Variants in GCNA observed in about 807,000 individuals in gnomAD.
The protein encoded by GCNA is germ cell nuclear acidic protein.
In GCNA, 3 loss-of-function variants were observed where a neutral mutation model predicts 38.8. The ratio of observed to expected loss-of-function variants is 0.08; its 90% CI spans 0.04 to 0.20. GCNA has a LOEUF of 0.20. Among genes scored for constraint, GCNA ranks in the 10% least tolerant of loss-of-function variants. GCNA has a pLI of 1.00. For synonymous variants in GCNA, 195 were observed against 240.2 expected (o/e 0.81, Z 1.74); for missense variants, 446 against 578.6 (o/e 0.77, Z 2.35).
At chrX:71,583,843 G>A (rs1314192981) in intron 2 of GCNA, among the ~76,000 whole-genome samples, 4 of 107,176 alleles carry the variant, frequency 3.7e-5, no homozygotes, top group Non-Finnish European at 7.7e-5. Context: ...GATTACAGGC[G>A]CATGCCACCA....
At chrX:71,592,370 T>A (rs1481816913) in intron 3 of GCNA, among the ~76,000 whole-genome samples, 167 bp from the exon 4 acceptor site, 1 of 88,948 alleles carries the variant, frequency 1.1e-5, no homozygotes, top group Non-Finnish European at 2.2e-5. Context: ...CCTCCTTTTT[T>A]TTTGGCTCTG....
At chrX:71,607,137 A>G (rs763676326) in intron 9 of GCNA, among the ~76,000 whole-genome samples, 1 of 112,166 alleles carries the variant, frequency 8.9e-6, no homozygotes, top group Non-Finnish European at 1.9e-5. Flanking sequence ...CACAAGGCCA[A>G]CGTTCTGTGA....
chrX:71,579,777 G>A (rs1347288448), intron 1 of GCNA, among the ~76,000 whole-genome samples: 2 of 106,542 alleles, frequency 1.9e-5, no homozygotes, highest in Admixed American at 1.0e-4. Context: ...GGTTGGAGGT[G>A]CGAGTGTGGG....
chrX:71,579,315 TTGG>T (rs1249617290), intron 1 of GCNA, among the ~76,000 whole-genome samples: 3 of 76,280 alleles, frequency 3.9e-5, no homozygotes, highest in Non-Finnish European at 7.5e-5. Context: ...CTTGGTGGCG[TTGG>T]TGGCATAGGA....
In GCNA at chrX:71,588,248, G is replaced by A. The variant is rs529099449; in HGVS notation, c.60-3874G>A. ...AGTACCAAGTATATAGTAGATGCTC[G>A]ATAAATGTCTAATTAGTGAATGAAT... is the stretch of plus-strand genomic sequence containing the variant. On this transcript the variant is annotated intron_variant, in intron 2 of 12. Coordinates refer to ENST00000373696, the MANE Select transcript of GCNA (RefSeq NM_052957.5). Among the ~76,000 whole-genome samples the A allele has an allele frequency of 1.7e-3, 184 of 111,389 alleles. 2 individuals carry two copies. The South Asian group carries it at 0.035, about 21-fold the overall frequency.
At chrX:71,591,997 A>C in intron 2 of GCNA, 125 bp from the exon 3 acceptor site, 1 of 625,003 alleles carries the variant, frequency 1.6e-6, no homozygotes, top group South Asian at 2.9e-5. Flanking sequence ...AAAGCCCTTA[A>C]AACCTTTTTT....
At chrX:71,593,367 C>T (rs973668753) in intron 4 of GCNA, among the ~76,000 whole-genome samples, 1 of 111,523 alleles carries the variant, frequency 9.0e-6, no homozygotes, top group Non-Finnish European at 1.9e-5. Context: ...AAGTGGTGCT[C>T]ACTGCGGTGT....
Position 71,603,839 on chromosome X carries a change from G to A in GCNA, c.562G>A (p.Val188Ile), listed in dbSNP as rs1443705799. Residue 188 changes from valine to isoleucine, a missense_variant, in exon 8 of 13, where the codon GTT (valine) becomes ATT (isoleucine). Transcript: ENST00000373696. ...APDDNSDDSD[V>I]PDDNSDDSSD... Reference sequence around the variant, plus strand: ...CGACGACAATAGTGATGATTCGGATGTTCCCGACGACAACAGTGATGATTC... The same window carrying A: ...CGACGACAATAGTGATGATTCGGATATTCCCGACGACAACAGTGATGATTC... 5.0e-6 allele frequency: 6 copies of A among 1,209,628 alleles called. No individual in the cohort carries two copies. Among genetic ancestry groups the A allele is most frequent in the Non-Finnish European group, 6.7e-6 (6 of 894,936 alleles).
intron 6 of GCNA, among the ~76,000 whole-genome samples, chrX:71,595,186 T>C (rs2040661721): frequency 8.9e-6 from 1 of 112,018 alleles, no homozygotes; most frequent in Non-Finnish European, 1.9e-5. Context: ...AGCCTCCGCC[T>C]CCTGAGTTCT....
chrX:71,596,416 T>C (rs940033991), intron 6 of GCNA, among the ~76,000 whole-genome samples: 4 of 111,906 alleles, frequency 3.6e-5, no homozygotes, highest in Non-Finnish European at 3.8e-5. Flanking sequence ...TATATGGTAG[T>C]GTAACCATCA....
At chrX:71,595,304 C>T (rs1449771273) in intron 6 of GCNA, among the ~76,000 whole-genome samples, 3 of 111,504 alleles carry the variant, frequency 2.7e-5, no homozygotes, top group African/African-American at 6.5e-5. Flanking sequence ...CCATGTTTTT[C>T]AGGCTTGTCT....
chrX:71,613,103 G>C lies in GCNA; in HGVS notation c.*121G>C. On this transcript the variant is annotated 3_prime_UTR_variant, in exon 13 of 13. Transcript: ENST00000373696. ...TTACAAGGCAATGAAGAATTCTTAAGGTTATCTTAGAGTATATTAATGTGA... is the reference window on the plus strand; with the variant it reads ...TTACAAGGCAATGAAGAATTCTTAACGTTATCTTAGAGTATATTAATGTGA... The C allele has an allele frequency of 1.0e-6, 1 of 976,043 alleles. No individual in the cohort carries two copies. The highest frequency in any genetic ancestry group is 1.4e-6 in the Non-Finnish European group (1 of 708,193). 80.4% of individuals were successfully genotyped at this position (976,043 alleles called of 1,213,427 possible).
intron 6 of GCNA, among the ~76,000 whole-genome samples, chrX:71,595,255 C>T: frequency 9.0e-6 from 1 of 111,234 alleles, no homozygotes; most frequent in Admixed American, 9.6e-5. Context: ...GCCACCATGC[C>T]CGGCTAATTT....
Position 71,603,825 on chromosome X carries a change from G to A in GCNA, c.548G>A (p.Ser183Asn). The change falls in exon 8 of 13, where the codon AGT becomes AAT. Residue 183 changes from serine to asparagine, a missense_variant. Physicochemically the swap from Ser to Asn is conservative, Grantham distance 46. This residue lies in a region of GCNA where 118 missense variants were observed against 122.8 expected (regional missense o/e 0.96). Transcript: ENST00000373696. ...SDDSEAPDDN[S>N]DDSDVPDDNS... ...GATTCGGAAGCTCCCGACGACAATA[G>A]TGATGATTCGGATGTTCCCGACGAC... The A allele has an allele frequency of 8.3e-7, 1 of 1,209,258 alleles. No individual in the cohort carries two copies. Among genetic ancestry groups the A allele is most frequent in the Non-Finnish European group, 1.1e-6 (1 of 894,913 alleles).
At chrX:71,607,992 C>T (rs1025123988) in intron 9 of GCNA, among the ~76,000 whole-genome samples, 1 of 111,753 alleles carries the variant, frequency 8.9e-6, no homozygotes, top group Non-Finnish European at 1.9e-5. Context: ...TGACCCTGGC[C>T]ATGAATGTCA....
intron 2 of GCNA, among the ~76,000 whole-genome samples, chrX:71,588,892 GTT>G (rs1232133669): frequency 9.9e-6 from 1 of 101,384 alleles, no homozygotes. Flanking sequence ...TTTTTTTTAA[GTT>G]TTTTTTTTTT....
chrX:71,599,838 T>C (rs1423914805), intron 7 of GCNA, among the ~76,000 whole-genome samples: 1 of 112,181 alleles, frequency 8.9e-6, no homozygotes, highest in African/African-American at 3.2e-5. Context: ...TTTTAAGTTT[T>C]CTAGGAAAGA....
chrX:71,580,579 AT>A, intron 1 of GCNA: 1 of 265,569 alleles, frequency 3.8e-6, no homozygotes, highest in Non-Finnish European at 6.8e-6. Flanking sequence ...GGTTCACGCC[AT>A]TTTCCTGCCT....
intron 2 of GCNA, among the ~76,000 whole-genome samples, chrX:71,584,446 C>T (rs751897845): frequency 6.3e-5 from 7 of 110,471 alleles, no homozygotes; most frequent in Middle Eastern, 9.6e-3. Context: ...GATGTGGTTT[C>T]GCCGCCAAGT....
Sources: allele counts gnomAD v4.1 joint callset (sites outside exome capture counted in the v4.1 genomes callset), GRCh38; gene constraint gnomAD v4.1.1; regional missense constraint gnomAD v4.1.1; transcripts MANE v1.5; gene names NCBI Gene and HGNC (gene_info 2026-07-23, HGNC 2026-07-21).